The following RABGAP1L variants were observed in gnomAD, a reference collection of about 807,000 sequenced individuals.
RABGAP1L encodes the protein rab GTPase-activating protein 1-like.
RABGAP1L carries 63 observed loss-of-function variants against 137.7 expected under a neutral mutation model. The ratio of observed to expected loss-of-function variants is 0.46; its 90% confidence interval spans 0.37 to 0.56. The LOEUF is 0.56. Ranked by LOEUF, RABGAP1L falls within the 20% of genes least tolerant of loss-of-function variation. The probability of loss-of-function intolerance (pLI) is 0.00; values close to 1 mark genes in which losing one functional copy is unlikely to be tolerated. For synonymous variants in RABGAP1L, 431 were observed against 433.7 expected (o/e 0.99, Z 0.08); for missense variants, 1,095 against 1,244.0 (o/e 0.88, Z 1.80).
At chr1:174,957,723 CT>C (rs34143059) in intron 20 of RABGAP1L, 174 bp downstream of exon 20, 121,634 of 496,730 alleles carry the variant, frequency 0.24, 4,173 homozygotes, top group Non-Finnish European at 0.28. Context: ...AGCAAAGTAC[CT>C]TTTTTTTTTT....
chr1:174,370,490 A>G (rs552388015), intron 11 of RABGAP1L, among the ~76,000 whole-genome samples: 1 of 97,046 alleles, frequency 1.0e-5, no homozygotes, highest in South Asian at 2.7e-4. Context: ...TTTTTTTTAC[A>G]AATACATCTT....
In RABGAP1L at chr1:174,168,259, G is replaced by A. The variant is rs569072469; in HGVS notation, c.-34+8602G>A. ...CAGCCTGAGCTACAGAGTGAGACTC[G>A]GTCTCAAAAAAAAAAAAAAAAAAAA... On this transcript the variant is annotated intron_variant, in intron 1 of 25. Coordinates refer to ENST00000681986, the MANE Select transcript of RABGAP1L (RefSeq NM_001366446.1). Among the ~76,000 whole-genome samples, 9 of 108,688 alleles carry A rather than the reference G, an allele frequency of 8.3e-5. No individual in the cohort carries two copies. The East Asian group carries it at 1.7e-3, about 20-fold the overall frequency. The allele number at this position is 108,688 out of a possible 152,430, so 71.3% of individuals were successfully genotyped here.
intron 1 of RABGAP1L, among the ~76,000 whole-genome samples, chr1:174,169,013 A>G (rs1055171597): frequency 1.3e-5 from 2 of 152,202 alleles, no homozygotes; most frequent in African/African-American, 4.8e-5. Flanking sequence ...GCTGTCACAT[A>G]TAAGTGAGAA....
intron 10 of RABGAP1L, among the ~76,000 whole-genome samples, chr1:174,303,099 C>T (rs889933817): frequency 4.0e-5 from 6 of 151,414 alleles, no homozygotes; most frequent in African/African-American, 1.2e-4. Flanking sequence ...GTCACCTCTG[C>T]AGAGGTAAAT....
chr1:174,529,211 A>G (rs907031886), intron 13 of RABGAP1L, among the ~76,000 whole-genome samples: 3 of 151,410 alleles, frequency 2.0e-5, no homozygotes, highest in African/African-American at 4.9e-5. Flanking sequence ...TTGCTTTTCC[A>G]TGTTTTCTGT....
At chr1:174,970,801 T>C (rs984790275) in intron 21 of RABGAP1L, among the ~76,000 whole-genome samples, 4 of 152,084 alleles carry the variant, frequency 2.6e-5, no homozygotes, top group African/African-American at 9.7e-5. Flanking sequence ...CTTATAAGAA[T>C]GAAAAATAGA....
intron 19 of RABGAP1L, among the ~76,000 whole-genome samples, chr1:174,876,324 A>G (rs944152474): frequency 1.3e-5 from 2 of 152,198 alleles, no homozygotes; most frequent in Non-Finnish European, 2.9e-5. Context: ...TAGTTCTAAC[A>G]AAGAATATTT....
At chr1:174,504,741 A>C (rs1661654954) in intron 13 of RABGAP1L, among the ~76,000 whole-genome samples, 1 of 152,200 alleles carries the variant, frequency 6.6e-6, no homozygotes, top group Non-Finnish European at 1.5e-5. Context: ...TGAAGACTTA[A>C]ATGTAAAACC....
chr1:174,215,716 G>A (rs1461601408), intron 1 of RABGAP1L, among the ~76,000 whole-genome samples: 1 of 152,134 alleles, frequency 6.6e-6, no homozygotes, highest in African/African-American at 2.4e-5. Flanking sequence ...CTGGTACACT[G>A]TTGGTGGGAG....
intron 14 of RABGAP1L, among the ~76,000 whole-genome samples, chr1:174,659,618 T>C (rs938862423): frequency 5.3e-5 from 8 of 152,244 alleles, no homozygotes; most frequent in Admixed American, 4.6e-4. Context: ...TCATTCAGTC[T>C]CATGGCTTTA....
At chr1:174,616,120 A>G (rs1671830741) in intron 13 of RABGAP1L, among the ~76,000 whole-genome samples, 2 of 152,300 alleles carry the variant, frequency 1.3e-5, no homozygotes, top group South Asian at 4.1e-4. Flanking sequence ...TCCCTAGTGC[A>G]TGAACCTGGT....
chr1:174,375,146 T>C (rs4651016), intron 12 of RABGAP1L, among the ~76,000 whole-genome samples: 1 of 151,896 alleles, frequency 6.6e-6, no homozygotes, highest in Admixed American at 6.6e-5. Flanking sequence ...TCATTACATT[T>C]TCTACATGGC....
chr1:174,827,439 G>T (rs1393299510), intron 19 of RABGAP1L, among the ~76,000 whole-genome samples: 1 of 120,818 alleles, frequency 8.3e-6, no homozygotes, highest in Non-Finnish European at 1.9e-5. Context: ...TGGGAGTTAG[G>T]ATTTCAACAT....
At position 174,631,883 on chromosome 1, in the gene RABGAP1L, G is replaced by T. The variant is rs534004954; in HGVS notation, c.1711-5492G>T. Among the ~76,000 whole-genome samples the T allele has an allele frequency of 3.1e-4, 45 of 144,822 alleles. No individual in the cohort carries two copies. The South Asian group carries it at 4.4e-3, about 14-fold the overall frequency. On this transcript the variant is annotated intron_variant, in intron 13 of 25. Coordinates refer to ENST00000681986, the MANE Select transcript of RABGAP1L (RefSeq NM_001366446.1). ...CTGTGTCTTTTAATTGGAGAATTTA[G>T]TCCATTTACATTTAAAGTTAATATT...
chr1:174,939,179 T>C (rs1429770459), intron 19 of RABGAP1L, among the ~76,000 whole-genome samples: 2 of 152,210 alleles, frequency 1.3e-5, no homozygotes, highest in Non-Finnish European at 2.9e-5. Flanking sequence ...TTGATAGGTA[T>C]ATATCTGTTG....
intron 19 of RABGAP1L, among the ~76,000 whole-genome samples, chr1:174,860,630 C>G (rs1005472640): frequency 9.2e-5 from 14 of 152,084 alleles, no homozygotes; most frequent in Admixed American, 4.6e-4. Context: ...TTGCCTATTT[C>G]CTTTTTAATG....
At chr1:174,393,264 G>A (rs1051593899) in intron 12 of RABGAP1L, among the ~76,000 whole-genome samples, 8 of 152,160 alleles carry the variant, frequency 5.3e-5, no homozygotes, top group Non-Finnish European at 8.8e-5. Context: ...GTTGTAACAA[G>A]TCAGGGAGAC....
At chr1:174,676,204 C>G (rs769336455) in intron 14 of RABGAP1L, among the ~76,000 whole-genome samples, 1 of 152,002 alleles carries the variant, frequency 6.6e-6, no homozygotes, top group Admixed American at 6.6e-5. Flanking sequence ...CTTCTATAGA[C>G]CTGTATATTG....
At position 174,767,610 on chromosome 1, in the gene RABGAP1L, G is replaced by A. The variant is rs187940760; in HGVS notation, c.2211+15256G>A. 4.0e-5 allele frequency among the ~76,000 whole-genome samples: 6 copies of A among 150,880 alleles called. No homozygotes were observed. In the East Asian group the frequency reaches 7.8e-4, roughly 20 times the overall value. On this transcript the variant is annotated intron_variant, in intron 18 of 25. Coordinates refer to ENST00000681986, the MANE Select transcript of RABGAP1L (RefSeq NM_001366446.1). ...GCAATCTCGGCTCACTGCAAGCTCC[G>A]CCTCCCAGGTTAAATAGAACCAACT...
Sources: gnomAD v4.1 joint callset for allele counts (sites outside exome capture counted in the v4.1 genomes callset) on GRCh38, gnomAD v4.1.1 for gene constraint, MANE v1.5 for transcripts, NCBI Gene and HGNC (gene_info 2026-07-23, HGNC 2026-07-21) for gene names.